NPIPB13: variants seen among roughly 807,000 people sequenced by gnomAD.
NPIPB13 encodes the protein nuclear pore complex interacting protein family, member B13.
At chr16:30,232,549 C>T (rs2073560665) in intron 3 of NPIPB13, among the ~76,000 whole-genome samples, 1 of 91,918 alleles carries the variant, frequency 1.1e-5, no homozygotes, top group Admixed American at 1.3e-4. Flanking sequence ...AGGTGAATCA[C>T]AAGGTCAAGA....
intron 2 of NPIPB13, among the ~76,000 whole-genome samples, chr16:30,244,853 ATT>A (rs1259467913): frequency 8.3e-5 from 6 of 72,654 alleles, no homozygotes; most frequent in Non-Finnish European, 1.4e-4. Flanking sequence ...TTGCAGGATA[ATT>A]TTTTTTTTTT....
At position 30,230,925 on chromosome 16, in the gene NPIPB13, T is replaced by A. The variant is rs2151072026; in HGVS notation, c.545+515A>T. ...AAGGCTGGCTGTGGTGGCTCACGCC[T>A]CTAATCCCAGCACTTTGGGAGGCTG... On this transcript the variant is annotated intron_variant, in intron 5 of 7. Coordinates refer to ENST00000520915, the Ensembl canonical transcript of NPIPB13. Among the ~76,000 whole-genome samples the A allele has an allele frequency of 4.6e-5, 5 of 108,594 alleles. No homozygotes were observed. The South Asian group carries it at 9.4e-4, about 20-fold the overall frequency. 71.2% of individuals were successfully genotyped at this position (108,594 alleles called of 152,430 possible).
At chr16:30,230,877 TAAAAAAAAAAA>T (rs1200193892) in intron 5 of NPIPB13, among the ~76,000 whole-genome samples, 1 of 55,048 alleles carries the variant, frequency 1.8e-5, no homozygotes, top group African/African-American at 6.9e-5. Context: ...ATCTCAAAAT[TAAAAAAAAAAA>T]AAAAAAAAAA....
At chr16:30,232,464 T>C (rs2073559133) in intron 3 of NPIPB13, among the ~76,000 whole-genome samples, 1 of 133,286 alleles carries the variant, frequency 7.5e-6, no homozygotes, top group Non-Finnish European at 1.6e-5. Flanking sequence ...AACTCTTGTC[T>C]CAAAAAAAAA....
chr16:30,246,398 C>T (rs2073613361), upstream of NPIPB13, among the ~76,000 whole-genome samples: 1 of 151,686 alleles, frequency 6.6e-6, no homozygotes, highest in Non-Finnish European at 1.5e-5. Context: ...CTATCTCCAC[C>T]ATAGGTCCAA....
chr16:30,245,035 GAC>G, intron 2 of NPIPB13, among the ~76,000 whole-genome samples: 1 of 146,750 alleles, frequency 6.8e-6, no homozygotes, highest in African/African-American at 2.5e-5. Context: ...TTTTAGTAGG[GAC>G]GAGGTTTTGC....
chr16:30,237,612 CT>C (rs2073575092), intron 2 of NPIPB13, among the ~76,000 whole-genome samples: 1 of 45,874 alleles, frequency 2.2e-5, no homozygotes, highest in Non-Finnish European at 5.1e-5. Flanking sequence ...AAGACTTCCC[CT>C]GAGTAAGTTC....
At chr16:30,247,285 TAC>T (rs1180639842), upstream of NPIPB13, among the ~76,000 whole-genome samples, 23 of 116,232 alleles carry the variant, frequency 2.0e-4, no homozygotes, top group Non-Finnish European at 3.5e-4. Flanking sequence ...CACACATTAT[TAC>T]ACTTAAACCT....
At chr16:30,244,483 A>ATGTGTGTGTGTG (rs71259255) in intron 2 of NPIPB13, among the ~76,000 whole-genome samples, 10 of 89,408 alleles carry the variant, frequency 1.1e-4, no homozygotes, top group Middle Eastern at 4.7e-3. Flanking sequence ...CAAAAAATAT[A>ATGTGTGTGTGTG]TGTGTGTGTG....
At chr16:30,241,242 G>A (rs1345230742) in intron 2 of NPIPB13, among the ~76,000 whole-genome samples, 3 of 71,344 alleles carry the variant, frequency 4.2e-5, no homozygotes, top group African/African-American at 1.7e-4. Flanking sequence ...AAGGTCAGGA[G>A]TTCCAGACCA....
chr16:30,236,414 TG>T (rs2073571140), intron 2 of NPIPB13, among the ~76,000 whole-genome samples: 1 of 99,676 alleles, frequency 1.0e-5, no homozygotes, highest in Admixed American at 1.1e-4. Context: ...AGCAAATTTT[TG>T]TATTTTTTGT....
At chr16:30,237,992 GCTGGGCA>G in intron 2 of NPIPB13, among the ~76,000 whole-genome samples, 1 of 44,436 alleles carries the variant, frequency 2.3e-5, no homozygotes, top group South Asian at 4.8e-4. Flanking sequence ...GTAGATCTTG[GCTGGGCA>G]CGGTGGTTCA....
At chr16:30,244,483 ATGTGTG>A (rs71259255) in intron 2 of NPIPB13, among the ~76,000 whole-genome samples, 46,883 of 89,254 alleles carry the variant, frequency 0.53, 11,919 homozygotes, top group Middle Eastern at 0.64. Context: ...CAAAAAATAT[ATGTGTG>A]TGTGTGTGTG....
At chr16:30,232,424 A>G (rs2073558393) in intron 3 of NPIPB13, among the ~76,000 whole-genome samples, 3 of 143,458 alleles carry the variant, frequency 2.1e-5, no homozygotes, top group African/African-American at 5.0e-5. Context: ...AGATTGTGCC[A>G]TTGCACTCCA....
At chr16:30,246,397 C>T (rs1200592432), upstream of NPIPB13, among the ~76,000 whole-genome samples, 1 of 151,694 alleles carries the variant, frequency 6.6e-6, no homozygotes, top group African/African-American at 2.4e-5. Flanking sequence ...TCTATCTCCA[C>T]CATAGGTCCA....
intron 2 of NPIPB13, among the ~76,000 whole-genome samples, chr16:30,244,483 ATGTGTGTGTGTGTGTG>A: frequency 2.2e-5 from 2 of 89,422 alleles, no homozygotes; most frequent in Admixed American, 1.1e-4. Flanking sequence ...CAAAAAATAT[ATGTGTGTGTGTGTGTG>A]TGTGTGTGTG....
intron 3 of NPIPB13, among the ~76,000 whole-genome samples, chr16:30,233,954 TTG>T (rs1322642854): frequency 2.9e-5 from 4 of 138,896 alleles, no homozygotes; most frequent in Non-Finnish European, 6.3e-5. Context: ...TGGCTCACGC[TTG>T]TAATCCCAGC....
At chr16:30,238,270 C>CAAA (rs1210025723) in intron 2 of NPIPB13, among the ~76,000 whole-genome samples, 60 of 119,934 alleles carry the variant, frequency 5.0e-4, no homozygotes, top group Non-Finnish European at 7.8e-4. Flanking sequence ...GAAACTGTCT[C>CAAA]AAAATAAATA....
intron 2 of NPIPB13, among the ~76,000 whole-genome samples, chr16:30,241,807 CAGAAT>C (rs1453217905): frequency 1.4e-5 from 1 of 73,502 alleles, no homozygotes; most frequent in Non-Finnish European, 3.0e-5. Flanking sequence ...GCCTGGGTGA[CAGAAT>C]GGAATGAGAC....
Sources: allele counts gnomAD v4.1 joint callset (sites outside exome capture counted in the v4.1 genomes callset), GRCh38; gene constraint gnomAD v4.1.1; transcripts MANE v1.5; gene names NCBI Gene and HGNC (gene_info 2026-07-23, HGNC 2026-07-21).